The following CFAP57 variants were observed in gnomAD, a reference collection of about 807,000 sequenced individuals.
CFAP57 encodes cilia- and flagella-associated protein 57.
Under a neutral mutation model 146.8 loss-of-function variants are expected in CFAP57, and 116 were observed. That is an observed-to-expected ratio of 0.79 (90% CI 0.68 to 0.92). CFAP57 has a LOEUF of 0.92. CFAP57 is among the 40% of genes least tolerant of loss of function. The probability of loss-of-function intolerance (pLI) is 0.00; values close to 1 mark genes in which losing one functional copy is unlikely to be tolerated. For synonymous variants in CFAP57, 518 were observed against 552.8 expected (o/e 0.94, Z 0.88); for missense variants, 1,377 against 1,527.2 (o/e 0.90, Z 1.64).
intron 6 of CFAP57, among the ~76,000 whole-genome samples, chr1:43,190,043 A>G (rs1205392319): frequency 6.6e-6 from 1 of 152,170 alleles, no homozygotes; most frequent in Non-Finnish European, 1.5e-5. Flanking sequence ...AAATATCCAA[A>G]TTTTATCAGC....
chr1:43,181,920 G>T (rs1450215029), intron 3 of CFAP57, 70 bp downstream of exon 3: 1 of 1,524,122 alleles, frequency 6.6e-7, no homozygotes, highest in African/African-American at 1.4e-5. Context: ...AATGTTTTCT[G>T]TGTACCACAG....
intron 2 of CFAP57, among the ~76,000 whole-genome samples, chr1:43,173,959 A>G (rs1645074018): frequency 1.3e-5 from 2 of 152,174 alleles, no homozygotes; most frequent in Admixed American, 6.5e-5. Flanking sequence ...TGCTAACCCA[A>G]TGGTTGAGAA....
chr1:43,223,319 G>A (rs145589123), intron 16 of CFAP57, among the ~76,000 whole-genome samples: 18 of 152,226 alleles, frequency 1.2e-4, no homozygotes, highest in African/African-American at 2.6e-4. Context: ...ATAACCCTCC[G>A]ATGGAAATGG....
Position 43,254,142 on chromosome 1 carries a change from T to C in CFAP57, c.3704T>C (p.Leu1235Pro). Residue 1235 changes from leucine (L) to proline (P), a missense_variant, in exon 23 of 23, where the codon CTT (leucine) becomes CCT (proline). Transcript: ENST00000372492. ...TTCCACACCCTCGCTGGAGTTCGGC[T>C]TCCTTCCCTCTCCAACTCCGAGGTA... ...TGFHTLAGVR[L>P]PSLSNSEVDL... is the part of the protein sequence containing the mutation. The C allele has an allele frequency of 6.4e-7, 1 of 1,550,696 alleles. No homozygotes were observed. The highest frequency in any genetic ancestry group is 2.4e-5 in the East Asian group (1 of 40,908).
chr1:43,215,863 A>C (rs1050806225), intron 12 of CFAP57, among the ~76,000 whole-genome samples: 1 of 152,240 alleles, frequency 6.6e-6, no homozygotes, highest in Non-Finnish European at 1.5e-5. Flanking sequence ...TCAAAAAACA[A>C]GTTAGGAGAG....
At chr1:43,196,107 AT>A in intron 6 of CFAP57, among the ~76,000 whole-genome samples, 1 of 152,254 alleles carries the variant, frequency 6.6e-6, no homozygotes, top group East Asian at 1.9e-4. Flanking sequence ...TATTGAAAAA[AT>A]ATGGTAGAGT....
chr1:43,253,930 C>T, intron 22 of CFAP57, 47 bp from the exon 23 acceptor site: 2 of 1,508,020 alleles, frequency 1.3e-6, no homozygotes, highest in South Asian at 2.4e-5. Context: ...ATCGGCTCTG[C>T]AGCAGTGCAA....
intron 2 of CFAP57, among the ~76,000 whole-genome samples, chr1:43,179,171 T>C (rs1023008650): frequency 6.6e-6 from 1 of 152,032 alleles, no homozygotes; most frequent in African/African-American, 2.4e-5. Flanking sequence ...CATTAGGAGA[T>C]ATACCTAATG....
At chr1:43,246,210 A>C (rs1428404739) in intron 22 of CFAP57, among the ~76,000 whole-genome samples, 2 of 152,236 alleles carry the variant, frequency 1.3e-5, no homozygotes, top group African/African-American at 4.8e-5. Flanking sequence ...GGTACCCTGA[A>C]TAGCCAAAAC....
At chr1:43,206,135 T>C (rs943987539) in intron 9 of CFAP57, among the ~76,000 whole-genome samples, 1 of 152,116 alleles carries the variant, frequency 6.6e-6, no homozygotes, top group Non-Finnish European at 1.5e-5. Context: ...TTATTATTTT[T>C]ATTTTTATAA....
chr1:43,243,367 C>T lies in CFAP57; in HGVS notation c.3538+8C>T. The stretch of plus-strand genomic sequence containing the variant: ...AAGAAGTTTCAGAGACAGGTAATAT[C>T]ACCAGTGGCCAGGGGAGATGGGCAC... On this transcript the variant is annotated splice_region_variant and intron_variant, in intron 22 of 22. Coordinates refer to ENST00000372492, the MANE Select transcript of CFAP57 (RefSeq NM_001378189.1). The T allele has an allele frequency of 6.5e-7, 1 of 1,526,880 alleles. No homozygotes were observed. Among genetic ancestry groups the T allele is most frequent in the South Asian group, 1.2e-5 (1 of 80,766 alleles). 94.6% of individuals were successfully genotyped at this position (1,526,880 alleles called of 1,614,324 possible).
chr1:43,234,271 G>C lies in CFAP57; in HGVS notation c.3127-8G>C. On this transcript the variant is annotated splice_polypyrimidine_tract_variant and splice_region_variant and intron_variant, in intron 19 of 22. Coordinates refer to ENST00000372492, the MANE Select transcript of CFAP57 (RefSeq NM_001378189.1). ...TACAGCACCAGAAGGAAACGTCTCT[G>C]ATTGCAGGAGCGAGACTTGGAAGCG... 6.5e-7 allele frequency: 1 copy of C among 1,541,708 alleles called. No individual in the cohort carries two copies. The highest frequency in any genetic ancestry group is 8.8e-7 in the Non-Finnish European group (1 of 1,142,352).
intron 2 of CFAP57, among the ~76,000 whole-genome samples, chr1:43,180,925 G>A (rs549481389): frequency 2.6e-5 from 4 of 151,942 alleles, no homozygotes; most frequent in Non-Finnish European, 4.4e-5. Flanking sequence ...TGCAGTTCCC[G>A]CACTATGCTG....
intron 18 of CFAP57, among the ~76,000 whole-genome samples, chr1:43,228,077 A>G (rs936279301): frequency 2.0e-5 from 3 of 152,158 alleles, no homozygotes; most frequent in Admixed American, 6.5e-5. Flanking sequence ...TGGTCTCCAC[A>G]TAGAGGCCTG....
intron 12 of CFAP57, among the ~76,000 whole-genome samples, chr1:43,218,047 T>C (rs1405142753): frequency 6.6e-6 from 1 of 152,200 alleles, no homozygotes; most frequent in Admixed American, 6.5e-5. Context: ...GTACTTCCTG[T>C]GCACCAGATC....
At chr1:43,183,302 T>C (rs1441522967) in intron 3 of CFAP57, among the ~76,000 whole-genome samples, 1 of 152,178 alleles carries the variant, frequency 6.6e-6, no homozygotes. Flanking sequence ...CCAGCTGAGC[T>C]TTATTCCATT....
In CFAP57 at chr1:43,224,135, G is replaced by C; in HGVS notation, c.2796G>C (p.Lys932Asn). The C allele has an allele frequency of 1.9e-6, 3 of 1,550,516 alleles. No homozygotes were observed. Among genetic ancestry groups the C allele is most frequent in the South Asian group, 2.4e-5 (2 of 84,036 alleles). The change falls in exon 17 of 23, where the codon AAG becomes AAC. Residue 932 changes from lysine (K) to asparagine (N), a missense_variant. Lys to Asn is a moderately conservative substitution (Grantham distance 94). Coordinates refer to ENST00000372492, the MANE Select transcript of CFAP57 (RefSeq NM_001378189.1). ...GEQMKLQGVI[K>N]SLEKDIQGLK... ...AGATGAAGCTGCAAGGAGTCATTAAGTCTCTGGAGAAGGACATCCAAGGCC... is the reference window on the plus strand; with the variant it reads ...AGATGAAGCTGCAAGGAGTCATTAACTCTCTGGAGAAGGACATCCAAGGCC...
At chr1:43,188,496 A>C (rs1643294653) in intron 6 of CFAP57, among the ~76,000 whole-genome samples, 2 of 152,208 alleles carry the variant, frequency 1.3e-5, no homozygotes, top group Admixed American at 6.5e-5. Context: ...GTGGTATCTC[A>C]TTGTGGTTTT....
intron 9 of CFAP57, 122 bp from the exon 10 acceptor site, chr1:43,206,598 C>A: frequency 1.1e-6 from 1 of 897,054 alleles, no homozygotes; most frequent in Non-Finnish European, 1.8e-6. Context: ...AACAGAAGGG[C>A]CTACAGCAGG....
Sources: gnomAD v4.1 joint callset for allele counts (sites outside exome capture counted in the v4.1 genomes callset) on GRCh38, gnomAD v4.1.1 for gene constraint, MANE v1.5 for transcripts, NCBI Gene and HGNC (gene_info 2026-07-23, HGNC 2026-07-21) for gene names.